RILPL1: variants seen among roughly 807,000 people sequenced by gnomAD.
RILPL1 encodes Rab interacting lysosomal protein like 1, also known as RILP-like protein 1.
Under a neutral mutation model 50.3 loss-of-function variants are expected in RILPL1, and 33 were observed. That is an observed-to-expected ratio of 0.66 (90% CI 0.50 to 0.88). The LOEUF is 0.88. RILPL1 is among the 40% of genes least tolerant of loss of function. The pLI is 0.00. For synonymous variants in RILPL1, 205 were observed against 228.6 expected (o/e 0.90, Z 0.93); for missense variants, 418 against 542.5 (o/e 0.77, Z 2.28).
intron 5 of RILPL1, among the ~76,000 whole-genome samples, 177 bp from the exon 6 acceptor site, chr12:123,484,449 T>G (rs1016322833): frequency 6.6e-6 from 1 of 152,110 alleles, no homozygotes; most frequent in African/African-American, 2.4e-5. Flanking sequence ...CCGTTTCCTG[T>G]CCTTACACAG....
At chr12:123,481,910 G>A (rs1478747832) in intron 6 of RILPL1, among the ~76,000 whole-genome samples, 1 of 149,396 alleles carries the variant, frequency 6.7e-6, no homozygotes, top group African/African-American at 2.5e-5. Flanking sequence ...TCGCTCTGTC[G>A]CTCAGAGGCT....
intron 2 of RILPL1, among the ~76,000 whole-genome samples, chr12:123,520,343 T>C (rs1056604097): frequency 1.3e-5 from 2 of 152,180 alleles, no homozygotes; most frequent in Non-Finnish European, 2.9e-5. Flanking sequence ...CAGATCACCT[T>C]AGGTCAGAAC....
chr12:123,525,715 A>AAAAAAAAAAAAAAAAAAAAAC, intron 1 of RILPL1, among the ~76,000 whole-genome samples: 2 of 133,610 alleles, frequency 1.5e-5, no homozygotes, highest in Non-Finnish European at 3.2e-5. Flanking sequence ...AAAAAAAAAA[A>AAAAAAAAAAAAAAAAAAAAAC]AAAAAAAAAG....
rs990640934 is a variant in RILPL1, at chr12:123,470,400, G to C, written c.*2138C>G. 2.0e-5 allele frequency: 3 copies of C among 151,230 alleles called. No individual in the cohort carries two copies. The highest frequency in any genetic ancestry group is 7.4e-5 in the African/African-American group (3 of 40,804). The allele number at this position is 151,230 out of a possible 1,614,324, so 9.4% of individuals were successfully genotyped here. ...AGGTGGGAGGATTGCTTGAGCCCAGGGGTTCATAGCTGCAATGAGCTATGA... is the reference window on the plus strand; with the variant it reads ...AGGTGGGAGGATTGCTTGAGCCCAGCGGTTCATAGCTGCAATGAGCTATGA... On this transcript the variant is annotated 3_prime_UTR_variant, in exon 7 of 7. Coordinates refer to ENST00000376874, the MANE Select transcript of RILPL1 (RefSeq NM_178314.5).
intron 2 of RILPL1, among the ~76,000 whole-genome samples, chr12:123,518,864 C>T (rs1375654106): frequency 6.6e-6 from 1 of 151,918 alleles, no homozygotes; most frequent in African/African-American, 2.4e-5. Context: ...CGAGACCATA[C>T]TGGCTAACAC....
At chr12:123,487,239 C>T (rs1203016166) in intron 4 of RILPL1, among the ~76,000 whole-genome samples, 1 of 152,154 alleles carries the variant, frequency 6.6e-6, no homozygotes, top group Non-Finnish European at 1.5e-5. Context: ...GCCTTTTGTG[C>T]CTGGCTCCTT....
intron 6 of RILPL1, among the ~76,000 whole-genome samples, chr12:123,481,456 CA>C (rs1490531292): frequency 2.0e-5 from 3 of 151,958 alleles, no homozygotes; most frequent in Non-Finnish European, 2.9e-5. Context: ...ATGGAGCCCA[CA>C]GAGGAAAACC....
At chr12:123,513,160 C>G (rs1014947080) in intron 2 of RILPL1, among the ~76,000 whole-genome samples, 2 of 148,412 alleles carry the variant, frequency 1.3e-5, no homozygotes, top group African/African-American at 5.0e-5. Context: ...GGTGTGAGGT[C>G]TGTGTGTGTG....
chr12:123,478,295 C>G (rs1190013398), intron 6 of RILPL1, among the ~76,000 whole-genome samples: 1 of 152,122 alleles, frequency 6.6e-6, no homozygotes, highest in Non-Finnish European at 1.5e-5. Context: ...ACCACCGCGC[C>G]TGGCCCTGTC....
chr12:123,517,234 G>C (rs1884752759), intron 2 of RILPL1, among the ~76,000 whole-genome samples: 1 of 152,232 alleles, frequency 6.6e-6, no homozygotes, highest in South Asian at 2.1e-4. Flanking sequence ...AAGGACTCCT[G>C]CTGAGAGGCG....
intron 2 of RILPL1, among the ~76,000 whole-genome samples, chr12:123,507,180 T>TG (rs889815487): frequency 5.9e-5 from 9 of 152,098 alleles, no homozygotes; most frequent in African/African-American, 1.9e-4. Context: ...AACTGTATCG[T>TG]GGGGGGCCCT....
chr12:123,528,839 C>T (rs1161431750), intron 1 of RILPL1, among the ~76,000 whole-genome samples: 1 of 152,044 alleles, frequency 6.6e-6, no homozygotes, highest in Non-Finnish European at 1.5e-5. Flanking sequence ...TGCTGATTCT[C>T]GCCTCTGAGT....
chr12:123,494,077 G>A (rs137917163), intron 4 of RILPL1, among the ~76,000 whole-genome samples: 146 of 152,122 alleles, frequency 9.6e-4, no homozygotes, highest in African/African-American at 3.3e-3. Context: ...GGGCCACTGC[G>A]CCTGGCCCTG....
rs1005141713 is a variant in RILPL1, at chr12:123,527,578, A to G, written c.310-3933T>C. On this transcript the variant is annotated intron_variant, in intron 1 of 6. Transcript: ENST00000376874. The stretch of plus-strand genomic sequence containing the variant: ...CTTGAACCTGGGAGGCAGAGGTTAC[A>G]GTGAGCTGAGGGAAGCAGAGGTTGC... Among the ~76,000 whole-genome samples the G allele has an allele frequency of 3.3e-5, 5 of 151,998 alleles. No homozygotes were observed. The East Asian group carries it at 9.6e-4, about 29-fold the overall frequency.
In RILPL1 at chr12:123,533,090, G is replaced by A; in HGVS notation, c.309+84C>T. The A allele has an allele frequency of 1.5e-6, 2 of 1,337,452 alleles. No individual in the cohort carries two copies. Among genetic ancestry groups the A allele is most frequent in the Non-Finnish European group, 2.0e-6 (2 of 995,052 alleles). The allele number at this position is 1,337,452 out of a possible 1,614,324, so 82.8% of individuals were successfully genotyped here. A position where few individuals can be genotyped will look rare whatever the true frequency, so the allele number is the denominator to read the frequency against. ...CCGGTCCCTGAACACACACACGTGCGCACCCACAGCTGCCCAATGCGGAAG... is the reference window on the plus strand; with the variant it reads ...CCGGTCCCTGAACACACACACGTGCACACCCACAGCTGCCCAATGCGGAAG... On this transcript the variant is annotated intron_variant, in intron 1 of 6. Transcript: ENST00000376874. This position sits in a 1 kb window ranked among gnomAD's most constrained non-coding sequence, Gnocchi z 6.2.
chr12:123,485,490 A>T lies in RILPL1; in HGVS notation c.974+143T>A. ...AGAAAGGGGTTGTGAGCTTGTATGT[A>T]AGTTCTTTAGGCCAGAGAGGGTACC... On this transcript the variant is annotated intron_variant, in intron 5 of 6. Transcript: ENST00000376874. This position sits in a 1 kb window ranked among gnomAD's most constrained non-coding sequence, Gnocchi z 4.0. The T allele has an allele frequency of 1.4e-6, 1 of 736,400 alleles. No individual in the cohort carries two copies. Among genetic ancestry groups the T allele is most frequent in the Non-Finnish European group, 2.2e-6 (1 of 449,616 alleles). 45.6% of individuals were successfully genotyped at this position (736,400 alleles called of 1,614,324 possible).
At position 123,491,390 on chromosome 12, in the gene RILPL1, CAACT is replaced by C. The variant is rs1379306808; in HGVS notation, c.802-5589_802-5586del. Among the ~76,000 whole-genome samples, 2 of 152,170 alleles carry C rather than the reference CAACT, an allele frequency of 1.3e-5. No individual in the cohort carries two copies. Among genetic ancestry groups the C allele is most frequent in the African/African-American group, 4.8e-5 (2 of 41,450 alleles). On this transcript the variant is annotated intron_variant, in intron 4 of 6. Transcript: ENST00000376874. The surrounding 1 kb of genome is among the most constrained non-coding windows in gnomAD (Gnocchi z 4.0). ...TGCTTCCCAGGAAGGCCCAAGAGAC[CAACT>C]AACAAGCCACGAGGCTGCCCAGAGG...
chr12:123,479,084 A>T (rs956019660), intron 6 of RILPL1, among the ~76,000 whole-genome samples: 1 of 151,824 alleles, frequency 6.6e-6, no homozygotes, highest in Non-Finnish European at 1.5e-5. Flanking sequence ...ACCACCAGAG[A>T]CTCGGGGAGG....
At chr12:123,494,150 G>A (rs1056966156) in intron 4 of RILPL1, among the ~76,000 whole-genome samples, 5 of 152,062 alleles carry the variant, frequency 3.3e-5, no homozygotes, top group African/African-American at 1.2e-4. Flanking sequence ...CCAGCTGCGC[G>A]AAACAGTGAA....
Sources: allele counts gnomAD v4.1 joint callset (sites outside exome capture counted in the v4.1 genomes callset), GRCh38; gene constraint gnomAD v4.1.1; non-coding constraint Gnocchi (gnomAD v3.1); transcripts MANE v1.5; gene names NCBI Gene and HGNC (gene_info 2026-07-23, HGNC 2026-07-21).